Variants in ARHGAP44 observed in about 807,000 individuals in gnomAD.
ARHGAP44 encodes the protein rho GTPase-activating protein 44.
Under a neutral mutation model 106.8 loss-of-function variants are expected in ARHGAP44, and 43 were observed. The ratio of observed to expected loss-of-function variants is 0.40; its 90% CI spans 0.32 to 0.52. The LOEUF (loss-of-function observed/expected upper bound fraction) is 0.52. Among genes scored for constraint, ARHGAP44 ranks in the 20% least tolerant of loss-of-function variants. The pLI, the probability that ARHGAP44 is intolerant of heterozygous loss-of-function variation, is 0.48. For synonymous variants in ARHGAP44, 439 were observed against 410.3 expected (o/e 1.07, Z -0.85); for missense variants, 866 against 1,050.5 (o/e 0.82, Z 2.43).
At position 12,846,991 on chromosome 17, in the gene ARHGAP44, C is replaced by T. The variant is rs376018278; in HGVS notation, c.54-47949C>T. On this transcript the variant is annotated intron_variant, in intron 1 of 20. Coordinates refer to ENST00000379672, the MANE Select transcript of ARHGAP44 (RefSeq NM_014859.6). Reference sequence around the variant, plus strand: ...CATTTAAGGTTAACCCACTAAGTAACGCAGTGCAGACAGCGTCGTTGAAGT... The same window carrying T: ...CATTTAAGGTTAACCCACTAAGTAATGCAGTGCAGACAGCGTCGTTGAAGT... Among the ~76,000 whole-genome samples, 58 of 152,266 alleles carry T rather than the reference C, an allele frequency of 3.8e-4. 1 individual carries two copies. The highest frequency in any genetic ancestry group is 1.4e-3 in the Admixed American group (22 of 15,292).
rs2037395979 is a variant in ARHGAP44, at chr17:12,902,267, TCTTGGGCCATTGTG to T, written c.198+5761_198+5774del. On this transcript the variant is annotated intron_variant, in intron 3 of 20. Transcript: ENST00000379672. ...ACTGAGCATGCCCAGCTCACACTCC[TCTTGGGCCATTGTG>T]CTTGCTCTATCCTCCGCAGGGAATG... is the stretch of plus-strand genomic sequence containing the variant. Among the ~76,000 whole-genome samples the T allele has an allele frequency of 8.5e-5, 13 of 152,244 alleles. No homozygotes were observed. In the South Asian group the frequency reaches 2.7e-3, roughly 32 times the overall value.
At chr17:12,802,927 T>TTATATATATATATA (rs1159214788) in intron 1 of ARHGAP44, among the ~76,000 whole-genome samples, 6 of 29,238 alleles carry the variant, frequency 2.1e-4, no homozygotes, top group Non-Finnish European at 3.6e-4. Flanking sequence ...CCTGGCTAAT[T>TTATATATATATATA]TATATATATA....
intron 1 of ARHGAP44, among the ~76,000 whole-genome samples, chr17:12,868,792 G>C (rs774560812): frequency 1.7e-4 from 25 of 151,080 alleles, no homozygotes; most frequent in Non-Finnish European, 2.2e-4. Flanking sequence ...CAAGTAGCTA[G>C]GATTACAGGC....
At chr17:12,870,444 G>A (rs879178089) in intron 1 of ARHGAP44, among the ~76,000 whole-genome samples, 3 of 152,162 alleles carry the variant, frequency 2.0e-5, no homozygotes, top group Admixed American at 2.0e-4. Context: ...AGTACTTCCA[G>A]CAGCAGTGGA....
At chr17:12,986,929 T>A in intron 20 of ARHGAP44, 1 of 610,742 alleles carries the variant, frequency 1.6e-6, no homozygotes, top group East Asian at 2.8e-5. Context: ...GGCAGCAGAC[T>A]GTTGTTTTGT....
At chr17:12,867,766 C>T (rs73978261) in intron 1 of ARHGAP44, among the ~76,000 whole-genome samples, 1 of 152,160 alleles carries the variant, frequency 6.6e-6, no homozygotes. Context: ...TTAGAACCCT[C>T]TTGGGACACT....
chr17:12,968,216 C>G (rs1269229726), intron 16 of ARHGAP44, among the ~76,000 whole-genome samples: 1 of 152,158 alleles, frequency 6.6e-6, no homozygotes, highest in Non-Finnish European at 1.5e-5. Flanking sequence ...CTTGCCACCT[C>G]GGGTGCTTGA....
chr17:12,918,885 G>A (rs1327949805), intron 5 of ARHGAP44, among the ~76,000 whole-genome samples: 1 of 152,182 alleles, frequency 6.6e-6, no homozygotes, highest in Non-Finnish European at 1.5e-5. Context: ...AGGCCTGCAT[G>A]AGCAGAGAAG....
chr17:12,843,651 CTTT>C (rs146749216), intron 1 of ARHGAP44, among the ~76,000 whole-genome samples: 56 of 97,120 alleles, frequency 5.8e-4, no homozygotes, highest in African/African-American at 2.7e-3. Flanking sequence ...GTATTGGTTA[CTTT>C]TTTTTTTTTT....
intron 16 of ARHGAP44, chr17:12,973,012 T>C (rs2039568361): frequency 1.0e-5 from 4 of 389,842 alleles, no homozygotes; most frequent in Non-Finnish European, 1.8e-5. Flanking sequence ...ATGACTACTT[T>C]TACCAGTTTC....
chr17:12,843,820 T>C (rs2035488721), intron 1 of ARHGAP44, among the ~76,000 whole-genome samples: 1 of 151,084 alleles, frequency 6.6e-6, no homozygotes, highest in African/African-American at 2.4e-5. Flanking sequence ...CATGCCTGGC[T>C]AATTTTTGTG....
intron 1 of ARHGAP44, among the ~76,000 whole-genome samples, chr17:12,802,120 A>T (rs566307582): frequency 6.6e-6 from 1 of 152,338 alleles, no homozygotes; most frequent in East Asian, 1.9e-4. Flanking sequence ...TTGGAAAATG[A>T]TATGCTAATA....
intron 12 of ARHGAP44, among the ~76,000 whole-genome samples, chr17:12,951,824 G>A (rs71364193): frequency 0.076 from 11,512 of 152,180 alleles, 518 homozygotes; most frequent in East Asian, 0.19. Context: ...ATACTAATGC[G>A]TGAACCCTTT....
intron 16 of ARHGAP44, among the ~76,000 whole-genome samples, chr17:12,971,946 C>T (rs2039537962): frequency 6.6e-6 from 1 of 152,160 alleles, no homozygotes; most frequent in Admixed American, 6.5e-5. Flanking sequence ...TAAATCCCAC[C>T]ATCCCACCTT....
chr17:12,843,330 G>A (rs1343074738), intron 1 of ARHGAP44, among the ~76,000 whole-genome samples: 3 of 152,080 alleles, frequency 2.0e-5, no homozygotes, highest in Non-Finnish European at 2.9e-5. Context: ...ATCTCACCAC[G>A]GTTCTCTTCA....
chr17:12,892,761 C>T (rs915324127), intron 1 of ARHGAP44, among the ~76,000 whole-genome samples: 19 of 150,108 alleles, frequency 1.3e-4, no homozygotes, highest in East Asian at 1.2e-3. Context: ...TTCATCTGCC[C>T]GCTCTGTTCT....
Position 12,807,545 on chromosome 17 carries a change from T to A in ARHGAP44, c.53+17654T>A, listed in dbSNP as rs2034313254. On this transcript the variant is annotated intron_variant, in intron 1 of 20. Coordinates refer to ENST00000379672, the MANE Select transcript of ARHGAP44 (RefSeq NM_014859.6). ...ACATGGTGGCAGGCAAGGGAGTACGTATAGGGGAATTCCTCTTTATAAAAC... is the reference window on the plus strand; with the variant it reads ...ACATGGTGGCAGGCAAGGGAGTACGAATAGGGGAATTCCTCTTTATAAAAC... 3.9e-5 allele frequency among the ~76,000 whole-genome samples: 6 copies of A among 152,262 alleles called. No homozygotes were observed. In the South Asian group the frequency reaches 1.2e-3, roughly 32 times the overall value.
intron 3 of ARHGAP44, among the ~76,000 whole-genome samples, chr17:12,906,188 G>A (rs1336045188): frequency 1.3e-5 from 2 of 152,134 alleles, no homozygotes; most frequent in East Asian, 3.8e-4. Context: ...GGAATATTAT[G>A]CCTGCTTCTC....
In ARHGAP44 at chr17:12,861,392, G is replaced by T. The variant is rs369334692; in HGVS notation, c.54-33548G>T. Among the ~76,000 whole-genome samples the T allele has an allele frequency of 2.6e-5, 4 of 152,270 alleles. No individual in the cohort carries two copies. In the East Asian group the frequency reaches 7.7e-4, roughly 29 times the overall value. ...CATCTTACAGTTCTGGAGGTCAGAA[G>T]TCTGGCACAGGTCTTAACTGGGCTA... On this transcript the variant is annotated intron_variant, in intron 1 of 20. Coordinates refer to ENST00000379672, the MANE Select transcript of ARHGAP44 (RefSeq NM_014859.6).
Sources: gnomAD v4.1 joint callset for allele counts (sites outside exome capture counted in the v4.1 genomes callset) on GRCh38, gnomAD v4.1.1 for gene constraint, MANE v1.5 for transcripts, NCBI Gene and HGNC (gene_info 2026-07-23, HGNC 2026-07-21) for gene names.